The following TTC29 variants were observed in gnomAD, a reference collection of about 807,000 sequenced individuals.
The protein encoded by TTC29 is tetratricopeptide repeat protein 29.
In TTC29, 49 loss-of-function variants were observed where a neutral mutation model predicts 58.1. The observed-to-expected ratio is 0.84, with a 90% CI of 0.67 to 1.07. The LOEUF (loss-of-function observed/expected upper bound fraction) is 1.07. TTC29 is among the 50% of genes least tolerant of loss of function. The probability of loss-of-function intolerance (pLI) is 0.00; values close to 1 mark genes in which losing one functional copy is unlikely to be tolerated. For synonymous variants in TTC29, 209 were observed against 196.8 expected, an observed-to-expected ratio of 1.06 and a Z score of -0.52; for missense variants, 582 against 555.6, an observed-to-expected ratio of 1.05 and a Z score of -0.48.
At chr4:146,931,493 TTTC>T (rs1735333610) in intron 4 of TTC29, among the ~76,000 whole-genome samples, 1 of 152,226 alleles carries the variant, frequency 6.6e-6, no homozygotes, top group African/African-American at 2.4e-5. Context: ...CTTGTAAGAA[TTTC>T]TTGTTAGTAT....
intron 11 of TTC29, among the ~76,000 whole-genome samples, chr4:146,747,871 C>G (rs1745666293): frequency 1.3e-5 from 2 of 152,224 alleles, no homozygotes; most frequent in African/African-American, 4.8e-5. Context: ...AGCACCCCAC[C>G]TACCTGGAAC....
intron 10 of TTC29, among the ~76,000 whole-genome samples, chr4:146,808,730 A>G (rs1750801453): frequency 6.6e-6 from 1 of 152,222 alleles, no homozygotes; most frequent in Admixed American, 6.5e-5. Context: ...TCAAGGAAAT[A>G]AGAGAGAACA....
At chr4:146,865,997 T>C (rs964200668) in intron 8 of TTC29, among the ~76,000 whole-genome samples, 1 of 152,102 alleles carries the variant, frequency 6.6e-6, no homozygotes. Context: ...GCATATAAAA[T>C]GCAACAATTT....
intron 11 of TTC29, among the ~76,000 whole-genome samples, chr4:146,784,509 G>A (rs1021052688): frequency 6.6e-6 from 1 of 152,010 alleles, no homozygotes; most frequent in African/African-American, 2.4e-5. Flanking sequence ...GGGGCCTTTG[G>A]GAGGTGATTA....
chr4:146,793,044 T>C (rs899489863), intron 11 of TTC29, among the ~76,000 whole-genome samples: 1 of 152,210 alleles, frequency 6.6e-6, no homozygotes, highest in South Asian at 2.1e-4. Context: ...GAGTTGCTTC[T>C]TATGGATAAG....
At chr4:146,879,192 G>A (rs1035854692) in intron 6 of TTC29, among the ~76,000 whole-genome samples, 2 of 152,090 alleles carry the variant, frequency 1.3e-5, no homozygotes, top group Non-Finnish European at 2.9e-5. Context: ...AATTTCTAAA[G>A]GCTGGCCAGA....
intron 4 of TTC29, among the ~76,000 whole-genome samples, chr4:146,926,779 T>G (rs180881277): frequency 3.5e-4 from 53 of 152,288 alleles, no homozygotes; most frequent in Admixed American, 3.5e-3. Context: ...GTTTTAACTT[T>G]AAGTTTCTTT....
intron 7 of TTC29, among the ~76,000 whole-genome samples, chr4:146,869,934 G>C (rs1026139907): frequency 6.6e-6 from 1 of 152,050 alleles, no homozygotes; most frequent in African/African-American, 2.4e-5. Flanking sequence ...TAAAATCTTG[G>C]CACTACTAAA....
intron 4 of TTC29, among the ~76,000 whole-genome samples, chr4:146,919,261 T>C (rs1734431658): frequency 6.6e-6 from 1 of 151,252 alleles, no homozygotes; most frequent in Admixed American, 6.6e-5. Flanking sequence ...TCTTGTTCTT[T>C]TCTTTCAGAT....
intron 11 of TTC29, among the ~76,000 whole-genome samples, chr4:146,771,496 C>A (rs547808166): frequency 6.6e-6 from 1 of 152,044 alleles, no homozygotes; most frequent in South Asian, 2.1e-4. Context: ...CACTTGTTGG[C>A]GAGAACATGC....
chr4:146,792,627 A>G (rs542012544), intron 11 of TTC29, among the ~76,000 whole-genome samples: 40 of 152,312 alleles, frequency 2.6e-4, no homozygotes, highest in Non-Finnish European at 4.6e-4. Flanking sequence ...CCATGGATCA[A>G]TAAGAAGTTT....
intron 8 of TTC29, among the ~76,000 whole-genome samples, chr4:146,848,196 CATT>C (rs1253968403): frequency 2.0e-5 from 3 of 152,196 alleles, no homozygotes; most frequent in Admixed American, 1.3e-4. Flanking sequence ...AGAAAACACA[CATT>C]ATACTTTCTT....
intron 11 of TTC29, among the ~76,000 whole-genome samples, chr4:146,730,673 G>T (rs996128333): frequency 3.3e-5 from 5 of 152,138 alleles, no homozygotes; most frequent in African/African-American, 1.2e-4. Context: ...TTTATATGAC[G>T]AAGGAGTTAT....
intron 11 of TTC29, among the ~76,000 whole-genome samples, chr4:146,734,026 A>G (rs1744537064): frequency 6.6e-6 from 1 of 152,212 alleles, no homozygotes; most frequent in South Asian, 2.1e-4. Context: ...GGATAACTAA[A>G]GAAGAAATGT....
At chr4:146,803,200 G>T (rs12498986) in intron 11 of TTC29, among the ~76,000 whole-genome samples, 1 of 150,898 alleles carries the variant, frequency 6.6e-6, no homozygotes. Context: ...AAGATAACTG[G>T]TGAAAAAAAA....
intron 4 of TTC29, among the ~76,000 whole-genome samples, chr4:146,912,729 G>A (rs979574647): frequency 1.3e-5 from 2 of 152,136 alleles, no homozygotes; most frequent in Non-Finnish European, 2.9e-5. Flanking sequence ...GAGGGGAGGA[G>A]GGTAAAACCG....
chr4:146,875,039 G>A (rs1194544290), intron 6 of TTC29, 111 bp from the exon 7 acceptor site: 1 of 782,492 alleles, frequency 1.3e-6, no homozygotes, highest in East Asian at 2.7e-5. Context: ...GAGGATTATG[G>A]TGAAGGATTT....
At chr4:146,732,786 C>T (rs1008920867) in intron 11 of TTC29, among the ~76,000 whole-genome samples, 1 of 152,074 alleles carries the variant, frequency 6.6e-6, no homozygotes, top group Admixed American at 6.6e-5. Flanking sequence ...GACAGTGAGG[C>T]AGATAACTGC....
intron 7 of TTC29, among the ~76,000 whole-genome samples, chr4:146,871,253 T>C (rs377522398): frequency 1.3e-5 from 2 of 151,834 alleles, no homozygotes; most frequent in Admixed American, 6.6e-5. Flanking sequence ...TCTCAATAGA[T>C]GTAGGAAAAA....
Sources: allele counts gnomAD v4.1 joint callset (sites outside exome capture counted in the v4.1 genomes callset), GRCh38; gene constraint gnomAD v4.1.1; transcripts MANE v1.5; gene names NCBI Gene and HGNC (gene_info 2026-07-23, HGNC 2026-07-21).